LOXL2: variants seen among roughly 807,000 people sequenced by gnomAD.
LOXL2 encodes the protein lysyl oxidase homolog 2.
A neutral mutation model predicts 93.0 loss-of-function variants in LOXL2; 70 were observed. That is an observed-to-expected ratio of 0.75 (90% CI 0.62 to 0.92). LOXL2 has a LOEUF of 0.92. LOXL2 is among the 40% of genes least tolerant of loss of function. The pLI, the probability that LOXL2 is intolerant of heterozygous loss-of-function variation, is 0.00. For synonymous variants in LOXL2, 438 were observed against 413.2 expected (o/e 1.06, Z -0.73); for missense variants, 973 against 1,054.9 (o/e 0.92, Z 1.08).
At chr8:23,393,602 TA>T (rs1393734361) in intron 1 of LOXL2, among the ~76,000 whole-genome samples, 3 of 152,116 alleles carry the variant, frequency 2.0e-5, no homozygotes, top group Non-Finnish European at 2.9e-5. Context: ...ACCCTTAGAA[TA>T]AAACATAGAG....
intron 1 of LOXL2, among the ~76,000 whole-genome samples, chr8:23,372,455 T>G (rs979982909): frequency 6.6e-6 from 1 of 152,098 alleles, no homozygotes; most frequent in South Asian, 2.1e-4. Context: ...TGACCTCAAG[T>G]GATCCATCCG....
intron 2 of LOXL2, chr8:23,365,446 C>T (rs1454365137): frequency 2.6e-5 from 4 of 151,716 alleles, no homozygotes; most frequent in African/African-American, 9.7e-5. Flanking sequence ...GTAAAAAGGT[C>T]TCTCATGTCA....
chr8:23,365,270 C>G (rs1004575868), intron 2 of LOXL2: 1 of 152,284 alleles, frequency 6.6e-6, no homozygotes, highest in South Asian at 2.1e-4. Flanking sequence ...AAGCCCTGGG[C>G]GCTGGCCACT....
chr8:23,298,302 A>G (rs1803072532), intron 13 of LOXL2, among the ~76,000 whole-genome samples, 180 bp from the exon 14 acceptor site: 1 of 152,218 alleles, frequency 6.6e-6, no homozygotes, highest in Admixed American at 6.5e-5. Flanking sequence ...GTGCTCTGTC[A>G]AAGTTGAGTG....
chr8:23,352,314 G>T (rs1173161492), intron 3 of LOXL2, among the ~76,000 whole-genome samples: 1 of 152,172 alleles, frequency 6.6e-6, no homozygotes, highest in Non-Finnish European at 1.5e-5. Context: ...CTCCTACAGA[G>T]AGAGGCCATC....
chr8:23,361,296 C>A (rs562122877), intron 2 of LOXL2, among the ~76,000 whole-genome samples: 1 of 152,186 alleles, frequency 6.6e-6, no homozygotes, highest in Non-Finnish European at 1.5e-5. Flanking sequence ...ACCCCTTGAA[C>A]CCAGAAGCCT....
intron 5 of LOXL2, 110 bp from the exon 6 acceptor site, chr8:23,328,675 C>A: frequency 1.0e-6 from 1 of 973,826 alleles, no homozygotes. Flanking sequence ...GCCAGGCACT[C>A]AGTCTGGGAG....
intron 3 of LOXL2, among the ~76,000 whole-genome samples, chr8:23,353,930 T>TG (rs1804139472): frequency 6.6e-6 from 1 of 152,150 alleles, no homozygotes. Flanking sequence ...CAAACCTTGG[T>TG]GGGGTCACTT....
At chr8:23,304,797 C>T (rs1046295636) in intron 10 of LOXL2, among the ~76,000 whole-genome samples, 1 of 152,152 alleles carries the variant, frequency 6.6e-6, no homozygotes, top group African/African-American at 2.4e-5. Context: ...GGCAGGAGCT[C>T]CTCACTTCCC....
chr8:23,329,922 C>T (rs1225569120), intron 5 of LOXL2, among the ~76,000 whole-genome samples: 1 of 152,178 alleles, frequency 6.6e-6, no homozygotes, highest in African/African-American at 2.4e-5. Context: ...GCTGGGACAG[C>T]ACCCAGATTT....
Position 23,297,741 on chromosome 8 carries a change from T to A in LOXL2, c.*302A>T. ...CGGTGGCTTGAATGGGACAAGCTGA[T>A]GACAACCTGTCTGTGGGCCTCATCC... On this transcript the variant is annotated 3_prime_UTR_variant, in exon 14 of 14. Coordinates refer to ENST00000389131, the MANE Select transcript of LOXL2 (RefSeq NM_002318.3). The A allele has an allele frequency of 9.6e-6, 3 of 313,448 alleles. No homozygotes were observed. Among genetic ancestry groups the A allele is most frequent in the East Asian group, 6.3e-5 (1 of 15,878 alleles). The allele number at this position is 313,448 out of a possible 1,614,324, so 19.4% of individuals were successfully genotyped here.
chr8:23,299,381 G>A (rs1803090163), intron 12 of LOXL2, among the ~76,000 whole-genome samples: 1 of 152,204 alleles, frequency 6.6e-6, no homozygotes. Context: ...ACTCGTCACA[G>A]GCGTGTGACT....
At chr8:23,315,121 G>GA (rs1180972373) in intron 9 of LOXL2, among the ~76,000 whole-genome samples, 1 of 152,198 alleles carries the variant, frequency 6.6e-6, no homozygotes, top group Non-Finnish European at 1.5e-5. Flanking sequence ...TCACTGTAGG[G>GA]ATCTCCTTTG....
In LOXL2 at chr8:23,402,667, G is replaced by A. The variant is rs375729665; in HGVS notation, c.-84+1287C>T. Reference sequence around the variant, plus strand: ...AAATGTTGTTTTGGGGTTCCAGGACGGACAGGCTAGCAGTGGTGTAGGGGA... The same window carrying A: ...AAATGTTGTTTTGGGGTTCCAGGACAGACAGGCTAGCAGTGGTGTAGGGGA... On this transcript the variant is annotated intron_variant, in intron 1 of 13. Coordinates refer to ENST00000389131, the MANE Select transcript of LOXL2 (RefSeq NM_002318.3). 9.2e-5 allele frequency: 14 copies of A among 152,218 alleles called. No homozygotes were observed. The East Asian group carries it at 1.4e-3, about 15-fold the overall frequency. 9.4% of individuals were successfully genotyped at this position (152,218 alleles called of 1,614,324 possible).
intron 5 of LOXL2, chr8:23,331,738 CTT>C (rs1803681322): frequency 7.7e-6 from 1 of 130,410 alleles, no homozygotes; most frequent in Non-Finnish European, 1.6e-5. Flanking sequence ...GGTTGGACTA[CTT>C]TACTTGTTCT....
chr8:23,399,042 C>G (rs549797948), intron 1 of LOXL2, among the ~76,000 whole-genome samples: 6 of 152,352 alleles, frequency 3.9e-5, no homozygotes, highest in Admixed American at 3.9e-4. Context: ...GGACTGAAGA[C>G]TTAAGAGACT....
At chr8:23,346,259 C>T (rs923891163) in intron 3 of LOXL2, among the ~76,000 whole-genome samples, 4 of 151,398 alleles carry the variant, frequency 2.6e-5, no homozygotes, top group Non-Finnish European at 5.9e-5. Context: ...GCTGGTCAAG[C>T]ACCCTGCACA....
At chr8:23,363,214 A>C (rs1804330994) in intron 2 of LOXL2, 2 of 152,238 alleles carry the variant, frequency 1.3e-5, no homozygotes, top group Admixed American at 1.3e-4. Flanking sequence ...TAGAAAACCA[A>C]GGAAAGAAAC....
At chr8:23,383,746 T>G (rs976441422) in intron 1 of LOXL2, among the ~76,000 whole-genome samples, 1 of 148,076 alleles carries the variant, frequency 6.8e-6, no homozygotes, top group Non-Finnish European at 1.5e-5. Flanking sequence ...CTGCAAGCTC[T>G]GCCTCCCGGG....
Sources: gnomAD v4.1 joint callset for allele counts (sites outside exome capture counted in the v4.1 genomes callset) on GRCh38, gnomAD v4.1.1 for gene constraint, MANE v1.5 for transcripts, NCBI Gene and HGNC (gene_info 2026-07-23, HGNC 2026-07-21) for gene names.